MYO9A: variants seen among roughly 807,000 people sequenced by gnomAD.
The protein encoded by MYO9A is myosin IXA.
Under a neutral mutation model 293.3 loss-of-function variants are expected in MYO9A, and 103 were observed. That is an observed-to-expected ratio of 0.35 (90% CI 0.30 to 0.41). The LOEUF (loss-of-function observed/expected upper bound fraction) is 0.41, where lower values mean the gene tolerates loss of function less well. Ranked by LOEUF, MYO9A falls within the 10% of genes least tolerant of loss-of-function variation. MYO9A has a pLI of 1.00. For missense variants in MYO9A, 2,685 were observed against 3,033.0 expected, an observed-to-expected ratio of 0.89 and a Z score of 2.69; for synonymous variants, 1,001 against 1,035.7, an observed-to-expected ratio of 0.97 and a Z score of 0.64.
chr15:72,030,938 G>A (rs527445023), intron 3 of MYO9A, among the ~76,000 whole-genome samples: 3 of 152,286 alleles, frequency 2.0e-5, no homozygotes, highest in South Asian at 2.1e-4. Flanking sequence ...GTTAGGAACC[G>A]GGCTACGCAG....
rs2054417539 is a variant in MYO9A at position 71,825,068 on chromosome 15, CTTTAAAAATAAA to C, written c.*1500_*1511del. ...TAGCAAGACAAGATGCATTTAGTAA[CTTTAAAAATAAA>C]CATTTCACATACTTATCTCAAGAAA... On this transcript the variant is annotated 3_prime_UTR_variant, in exon 42 of 42. Transcript: ENST00000356056. 2 of 152,332 alleles carry C rather than the reference CTTTAAAAATAAA, an allele frequency of 1.3e-5. No individual in the cohort carries two copies. The highest frequency in any genetic ancestry group is 4.1e-4 in the South Asian group (2 of 4,828). 9.4% of individuals were successfully genotyped at this position (152,332 alleles called of 1,614,324 possible).
At chr15:71,939,899 T>G (rs938978995) in intron 15 of MYO9A, among the ~76,000 whole-genome samples, 4 of 152,112 alleles carry the variant, frequency 2.6e-5, no homozygotes, top group Non-Finnish European at 5.9e-5. Flanking sequence ...CTGATTCGAC[T>G]AATAAACGAG....
intron 18 of MYO9A, among the ~76,000 whole-genome samples, chr15:71,925,310 TATA>T: frequency 4.3e-5 from 1 of 23,158 alleles, no homozygotes; most frequent in Non-Finnish European, 2.1e-4. Context: ...TATATACGTA[TATA>T]CGTATATGTA....
chr15:72,073,350 T>C (rs2079250092), intron 1 of MYO9A, among the ~76,000 whole-genome samples: 1 of 152,158 alleles, frequency 6.6e-6, no homozygotes, highest in African/African-American at 2.4e-5. Context: ...GCCACAATTG[T>C]CAGGGTCCAT....
At chr15:72,012,483 A>C (rs933586144) in intron 6 of MYO9A, among the ~76,000 whole-genome samples, 78 of 152,146 alleles carry the variant, frequency 5.1e-4, no homozygotes, top group African/African-American at 1.9e-3. Flanking sequence ...TTTTTAGTAG[A>C]GACGGGGTTT....
intron 1 of MYO9A, among the ~76,000 whole-genome samples, chr15:72,110,435 C>CAAAAAAAAA (rs397854173): frequency 6.7e-5 from 3 of 45,104 alleles, no homozygotes; most frequent in East Asian, 5.7e-4. Flanking sequence ...GACTCCATCT[C>CAAAAAAAAA]AAAAAAAAAA....
chr15:72,005,912 G>C (rs2077002686), intron 8 of MYO9A, among the ~76,000 whole-genome samples: 1 of 152,112 alleles, frequency 6.6e-6, no homozygotes, highest in Non-Finnish European at 1.5e-5. Context: ...TTTGGAAGAT[G>C]AATAATATTT....
In MYO9A at chr15:72,003,989, T is replaced by A. The variant is rs376758236; in HGVS notation, c.1380+3837A>T. 1.2e-4 allele frequency among the ~76,000 whole-genome samples: 18 copies of A among 152,298 alleles called. No individual in the cohort carries two copies. The East Asian group carries it at 3.1e-3, about 26-fold the overall frequency. ...ACTCATTTCATGAGTTCTCTTTACC[T>A]AGCACAAAAACCTGACAAAGATTGT... On this transcript the variant is annotated intron_variant, in intron 8 of 41. Transcript: ENST00000356056.
At chr15:71,841,195 A>C (rs908419343) in intron 39 of MYO9A, among the ~76,000 whole-genome samples, 4 of 152,038 alleles carry the variant, frequency 2.6e-5, no homozygotes, top group African/African-American at 9.7e-5. Flanking sequence ...TGATAATTTT[A>C]TTTCTTTATT....
chr15:71,978,265 A>T lies in MYO9A; in HGVS notation c.1750T>A (p.Trp584Arg). 1 of 1,609,970 alleles carries T rather than the reference A, an allele frequency of 6.2e-7. No individual in the cohort carries two copies. The highest frequency in any genetic ancestry group is 8.5e-7 in the Non-Finnish European group (1 of 1,178,538). ...QEEYRTEGIS[W>R]HNIDYIDNTC... ...TTATCAATGTAATCTATGTTGTGCC[A>T]GCTGATACCTTCAGTTCTATATTCC... is the stretch of plus-strand genomic sequence containing the variant. The change falls in exon 12 of 42, where the codon TGG (tryptophan) becomes AGG (arginine). Residue 584 changes from tryptophan to arginine, a missense_variant. Trp to Arg is a moderately radical substitution (Grantham distance 101). This residue lies in a region of MYO9A where 201 missense variants were observed against 245.2 expected (regional missense o/e 0.82). Transcript: ENST00000356056.
chr15:71,854,575 T>C lies in MYO9A; in HGVS notation c.6154-6A>G, dbSNP rs2141439796. ...GATGACAGCTCTGGATCATACTAAATGAAAGATAATTTTTAGTTTCCAAAT... is the reference window on the plus strand; with the variant it reads ...GATGACAGCTCTGGATCATACTAAACGAAAGATAATTTTTAGTTTCCAAAT... On this transcript the variant is annotated splice_region_variant and splice_polypyrimidine_tract_variant and intron_variant, in intron 34 of 41. Transcript: ENST00000356056. 1 of 1,560,514 alleles carries C rather than the reference T, an allele frequency of 6.4e-7. No individual in the cohort carries two copies. Among genetic ancestry groups the C allele is most frequent in the Non-Finnish European group, 8.6e-7 (1 of 1,156,850 alleles).
Position 71,898,417 on chromosome 15 carries a change from G to A in MYO9A, c.4086C>T (p.Ser1362=). 1 of 1,613,758 alleles carries A rather than the reference G, an allele frequency of 6.2e-7. No individual in the cohort carries two copies. The highest frequency in any genetic ancestry group is 8.5e-7 in the Non-Finnish European group (1 of 1,180,000). ...CCCGTGAATCAAATTTTGGACTGCT[G>A]GATATCTTAGGTGATGGAAACTGCA... ...GDLQFPSPKI[S]SSPKFDSRDN... Residue 1362 remains serine (S), a synonymous_variant, in exon 25 of 42, where the codon TCC becomes TCT. Coordinates refer to ENST00000356056, the MANE Select transcript of MYO9A (RefSeq NM_006901.4).
At chr15:71,920,605 AAACT>A (rs1257005297) in intron 18 of MYO9A, among the ~76,000 whole-genome samples, 1 of 152,158 alleles carries the variant, frequency 6.6e-6, no homozygotes, top group Non-Finnish European at 1.5e-5. Flanking sequence ...CAGCCCAAAC[AAACT>A]AAGGCATTTC....
At chr15:71,957,297 G>C (rs2059226034) in intron 14 of MYO9A, among the ~76,000 whole-genome samples, 1 of 151,908 alleles carries the variant, frequency 6.6e-6, no homozygotes, top group African/African-American at 2.4e-5. Context: ...CAGGTTACTG[G>C]GAGCCTTTGA....
chr15:72,011,001 A>G (rs1212983104), intron 6 of MYO9A, among the ~76,000 whole-genome samples: 1 of 152,026 alleles, frequency 6.6e-6, no homozygotes, highest in African/African-American at 2.4e-5. Flanking sequence ...ATATAGATCT[A>G]TATAGATATG....
At chr15:71,849,068 A>C in intron 38 of MYO9A, 100 bp from the exon 39 acceptor site, 3 of 1,168,002 alleles carry the variant, frequency 2.6e-6, no homozygotes, top group Non-Finnish European at 3.5e-6. Context: ...AAGATGAAGG[A>C]AAAAATTAAC....
At chr15:71,938,513 A>T (rs12916789) in intron 16 of MYO9A, among the ~76,000 whole-genome samples, 1,994 of 152,238 alleles carry the variant, frequency 0.013, 19 homozygotes, top group East Asian at 0.024. Flanking sequence ...TTACTTCCCA[A>T]TAAGATTTCT....
intron 15 of MYO9A, among the ~76,000 whole-genome samples, chr15:71,939,934 T>C (rs2058734028): frequency 6.6e-6 from 1 of 152,022 alleles, no homozygotes; most frequent in African/African-American, 2.4e-5. Flanking sequence ...AAGAAACAAA[T>C]AAATATACAG....
At chr15:72,017,847 CT>C in intron 6 of MYO9A, among the ~76,000 whole-genome samples, 1 of 152,044 alleles carries the variant, frequency 6.6e-6, no homozygotes, top group East Asian at 1.9e-4. Context: ...TGTTTTCAGC[CT>C]TTTTACAAGT....
Sources: allele counts gnomAD v4.1 joint callset (sites outside exome capture counted in the v4.1 genomes callset), GRCh38; gene constraint gnomAD v4.1.1; regional missense constraint gnomAD v4.1.1; transcripts MANE v1.5; gene names NCBI Gene and HGNC (gene_info 2026-07-23, HGNC 2026-07-21).